The following GUCY1A2 variants were observed in gnomAD, a reference collection of about 807,000 sequenced individuals.
GUCY1A2 encodes guanylate cyclase 1 soluble subunit alpha 2, also known as guanylate cyclase soluble subunit alpha-2.
In GUCY1A2, 27 loss-of-function variants were observed where a neutral mutation model predicts 63.5. The observed-to-expected ratio is 0.43, with a 90% confidence interval of 0.31 to 0.59. GUCY1A2 has a LOEUF of 0.59. GUCY1A2 is among the 20% of genes least tolerant of loss of function. The probability of loss-of-function intolerance (pLI) is 0.11; values close to 1 mark genes in which losing one functional copy is unlikely to be tolerated. For synonymous variants in GUCY1A2, 364 were observed against 343.5 expected (o/e 1.06, Z -0.66); for missense variants, 768 against 913.3 (o/e 0.84, Z 2.05).
intron 4 of GUCY1A2, among the ~76,000 whole-genome samples, chr11:106,876,282 G>A (rs573172678): frequency 6.6e-6 from 1 of 152,116 alleles, no homozygotes; most frequent in African/African-American, 2.4e-5. Context: ...AAGACAGAGG[G>A]AAAGACAATG....
intron 6 of GUCY1A2, among the ~76,000 whole-genome samples, chr11:106,744,529 C>T (rs1005215957): frequency 2.0e-5 from 3 of 152,146 alleles, no homozygotes; most frequent in Non-Finnish European, 4.4e-5. Context: ...GCTTTCCCCA[C>T]CCTTATCCTT....
intron 3 of GUCY1A2, among the ~76,000 whole-genome samples, chr11:106,952,905 G>A (rs1037291430): frequency 1.3e-5 from 2 of 152,118 alleles, no homozygotes; most frequent in Non-Finnish European, 2.9e-5. Flanking sequence ...CTCCCAAAGT[G>A]CTGGGATTAC....
intron 4 of GUCY1A2, among the ~76,000 whole-genome samples, chr11:106,889,759 C>T (rs1393787101): frequency 1.3e-5 from 2 of 152,140 alleles, no homozygotes; most frequent in Non-Finnish European, 2.9e-5. Flanking sequence ...TATGGCTTTA[C>T]ATACCTGCCA....
chr11:106,970,441 C>T (rs1344016623), intron 3 of GUCY1A2, among the ~76,000 whole-genome samples: 1 of 151,960 alleles, frequency 6.6e-6, no homozygotes, highest in Non-Finnish European at 1.5e-5. Flanking sequence ...TTTAGAATGA[C>T]AAAACCAGAA....
chr11:106,804,919 C>G (rs1330570596), intron 5 of GUCY1A2, among the ~76,000 whole-genome samples: 1 of 152,180 alleles, frequency 6.6e-6, no homozygotes, highest in East Asian at 1.9e-4. Context: ...TGGGCCCACT[C>G]ATATTCCCTG....
At chr11:107,017,647 C>G (rs1861842049) in intron 1 of GUCY1A2, 106 bp downstream of exon 1, 1 of 556,860 alleles carries the variant, frequency 1.8e-6, no homozygotes, top group Non-Finnish European at 2.7e-6. Context: ...CCGGGCCGCC[C>G]CCCAGCGGTC....
At chr11:106,833,587 G>T (rs1231970326) in intron 4 of GUCY1A2, among the ~76,000 whole-genome samples, 1 of 152,028 alleles carries the variant, frequency 6.6e-6, no homozygotes, top group East Asian at 1.9e-4. Context: ...ATGATAGGAT[G>T]CTAGATCCAT....
At chr11:106,894,846 G>A (rs1293365781) in intron 4 of GUCY1A2, among the ~76,000 whole-genome samples, 1 of 151,984 alleles carries the variant, frequency 6.6e-6, no homozygotes, top group Non-Finnish European at 1.5e-5. Flanking sequence ...ACTTTAGAAA[G>A]CTACAAAAAG....
intron 4 of GUCY1A2, among the ~76,000 whole-genome samples, chr11:106,885,301 G>A (rs1303069478): frequency 6.6e-6 from 1 of 152,110 alleles, no homozygotes. Flanking sequence ...ACAATTGCAG[G>A]GAAATACATG....
chr11:106,922,952 C>T (rs1047755180), intron 4 of GUCY1A2, among the ~76,000 whole-genome samples: 4 of 151,770 alleles, frequency 2.6e-5, no homozygotes, highest in Admixed American at 1.3e-4. Context: ...GGTCAAAATT[C>T]GGACTACCTG....
At chr11:106,915,750 G>C (rs779374481) in intron 4 of GUCY1A2, among the ~76,000 whole-genome samples, 1 of 144,592 alleles carries the variant, frequency 6.9e-6, no homozygotes, top group East Asian at 2.1e-4. Context: ...AAGTGAAAAA[G>C]AACTATGTCT....
intron 5 of GUCY1A2, among the ~76,000 whole-genome samples, chr11:106,806,084 C>CAA (rs944034649): frequency 6.6e-6 from 1 of 152,076 alleles, no homozygotes; most frequent in African/African-American, 2.4e-5. Flanking sequence ...TATATATACA[C>CAA]ACACACACAT....
At chr11:106,998,822 A>G (rs1861574313) in intron 1 of GUCY1A2, among the ~76,000 whole-genome samples, 1 of 152,160 alleles carries the variant, frequency 6.6e-6, no homozygotes, top group Non-Finnish European at 1.5e-5. Flanking sequence ...TTATAATCCA[A>G]AATTTAAAAG....
At chr11:106,999,928 T>C (rs1341520908) in intron 1 of GUCY1A2, among the ~76,000 whole-genome samples, 1 of 152,208 alleles carries the variant, frequency 6.6e-6, no homozygotes, top group Non-Finnish European at 1.5e-5. Flanking sequence ...CTTAATTTAA[T>C]ATTTTATTCC....
chr11:106,704,134 A>C (rs1002538640), intron 7 of GUCY1A2, among the ~76,000 whole-genome samples: 1 of 152,128 alleles, frequency 6.6e-6, no homozygotes, highest in African/African-American at 2.4e-5. Context: ...TCTTTCTCTC[A>C]AATTTCCAGA....
chr11:106,800,916 G>A (rs1454441725), intron 5 of GUCY1A2, among the ~76,000 whole-genome samples: 1 of 151,636 alleles, frequency 6.6e-6, no homozygotes, highest in Non-Finnish European at 1.5e-5. Context: ...AGAATCAGGG[G>A]ACCTACTGAA....
intron 3 of GUCY1A2, among the ~76,000 whole-genome samples, chr11:106,972,952 T>A (rs1861215104): frequency 6.6e-6 from 1 of 152,108 alleles, no homozygotes; most frequent in African/African-American, 2.4e-5. Context: ...CTGACTTGTA[T>A]AACTTAAGGA....
chr11:106,801,053 A>G (rs2135418852), intron 5 of GUCY1A2, among the ~76,000 whole-genome samples: 1 of 152,226 alleles, frequency 6.6e-6, no homozygotes, highest in Middle Eastern at 3.4e-3. Flanking sequence ...CTGTGCTGAA[A>G]CTATTCTTTT....
chr11:106,997,486 C>T (rs978688167), intron 1 of GUCY1A2, among the ~76,000 whole-genome samples: 8 of 152,024 alleles, frequency 5.3e-5, no homozygotes, highest in African/African-American at 1.9e-4. Flanking sequence ...TAACACAGGC[C>T]TATGTTGTGT....
Sources: allele counts gnomAD v4.1 joint callset (sites outside exome capture counted in the v4.1 genomes callset), GRCh38; gene constraint gnomAD v4.1.1; transcripts MANE v1.5; gene names NCBI Gene and HGNC (gene_info 2026-07-23, HGNC 2026-07-21).